NLGN1: variants seen among roughly 807,000 people sequenced by gnomAD.
NLGN1 encodes the protein neuroligin 1, also known as neuroligin-1.
In NLGN1, 12 loss-of-function variants were observed where a neutral mutation model predicts 65.5. The observed-to-expected ratio is 0.18, with a 90% CI of 0.12 to 0.30. The LOEUF (loss-of-function observed/expected upper bound fraction) is 0.30. NLGN1 is among the 10% of genes least tolerant of loss of function. The probability of loss-of-function intolerance (pLI) is 1.00; values close to 1 mark genes in which losing one functional copy is unlikely to be tolerated. For missense variants in NLGN1, 750 were observed against 1,007.1 expected (o/e 0.74, Z 3.46); for synonymous variants, 350 against 359.5 (o/e 0.97, Z 0.30).
intron 3 of NLGN1, among the ~76,000 whole-genome samples, chr3:173,714,128 G>A (rs535852706): frequency 1.2e-4 from 19 of 152,222 alleles, no homozygotes; most frequent in Non-Finnish European, 2.2e-4. Flanking sequence ...GTATATAACA[G>A]CGTCTTTTGA....
At chr3:173,670,825 A>G (rs1762348086) in intron 3 of NLGN1, among the ~76,000 whole-genome samples, 1 of 152,090 alleles carries the variant, frequency 6.6e-6, no homozygotes, top group Admixed American at 6.5e-5. Context: ...AGAAGTTCTT[A>G]AAGTTCTTAG....
chr3:173,972,072 G>C (rs566182918), intron 4 of NLGN1, among the ~76,000 whole-genome samples: 11 of 152,184 alleles, frequency 7.2e-5, no homozygotes, highest in Non-Finnish European at 1.3e-4. Context: ...GAAAGAGCCA[G>C]TTTTAAGCAT....
chr3:173,872,833 A>G (rs1471871541), intron 4 of NLGN1, among the ~76,000 whole-genome samples: 1 of 152,112 alleles, frequency 6.6e-6, no homozygotes, highest in Non-Finnish European at 1.5e-5. Flanking sequence ...AAGGGCTTTC[A>G]TTTGAATAAT....
At chr3:173,516,768 A>G (rs1422947927) in intron 2 of NLGN1, among the ~76,000 whole-genome samples, 1 of 152,080 alleles carries the variant, frequency 6.6e-6, no homozygotes, top group Non-Finnish European at 1.5e-5. Context: ...GCTTCCCATC[A>G]TTCTGACACC....
chr3:174,071,797 C>T (rs538940886), intron 4 of NLGN1, among the ~76,000 whole-genome samples: 9 of 151,606 alleles, frequency 5.9e-5, no homozygotes, highest in Middle Eastern at 3.5e-3. Flanking sequence ...ATTCTCAGTT[C>T]ATTCCGTTAT....
chr3:173,637,825 T>G (rs951049666), intron 3 of NLGN1, among the ~76,000 whole-genome samples: 19 of 152,204 alleles, frequency 1.2e-4, no homozygotes, highest in African/African-American at 4.3e-4. Flanking sequence ...TGCCATAGGT[T>G]ACATAGGATA....
At chr3:173,931,890 A>G (rs774327767) in intron 4 of NLGN1, among the ~76,000 whole-genome samples, 1 of 152,194 alleles carries the variant, frequency 6.6e-6, no homozygotes, top group South Asian at 2.1e-4. Flanking sequence ...CACTGAGAGT[A>G]TAAATTATCT....
chr3:173,606,756 A>T (rs560916905), intron 3 of NLGN1, among the ~76,000 whole-genome samples: 30 of 152,116 alleles, frequency 2.0e-4, no homozygotes, highest in African/African-American at 7.2e-4. Context: ...GTAGAGTGGG[A>T]TTTAACCTTC....
At chr3:173,592,010 C>T (rs1363993239) in intron 2 of NLGN1, among the ~76,000 whole-genome samples, 2 of 152,112 alleles carry the variant, frequency 1.3e-5, no homozygotes, top group Non-Finnish European at 2.9e-5. Flanking sequence ...ATCACAGGGT[C>T]ATCAATTGGT....
At chr3:174,289,935 ATATG>A (rs1168098337), downstream of NLGN1, among the ~76,000 whole-genome samples, 89 of 112,708 alleles carry the variant, frequency 7.9e-4, 2 homozygotes, top group Non-Finnish European at 2.8e-4. Flanking sequence ...GTGTATATAT[ATATG>A]TATGTATATA....
chr3:173,784,541 G>A (rs941616183), intron 3 of NLGN1, among the ~76,000 whole-genome samples: 1 of 152,004 alleles, frequency 6.6e-6, no homozygotes, highest in South Asian at 2.1e-4. Flanking sequence ...GTACCTAGAG[G>A]CAGAGAGCGA....
chr3:174,021,287 T>C (rs1727700592), intron 4 of NLGN1, among the ~76,000 whole-genome samples: 1 of 152,042 alleles, frequency 6.6e-6, no homozygotes, highest in Non-Finnish European at 1.5e-5. Flanking sequence ...TGATGATACA[T>C]TCATTGGTGA....
intron 3 of NLGN1, among the ~76,000 whole-genome samples, chr3:173,739,724 G>T (rs1774341565): frequency 6.6e-6 from 1 of 152,074 alleles, no homozygotes; most frequent in African/African-American, 2.4e-5. Flanking sequence ...ATATTTTCGT[G>T]CCTTATTTAA....
At chr3:173,782,691 C>CTTTTTTTTTTTTT (rs5854538) in intron 3 of NLGN1, among the ~76,000 whole-genome samples, 2 of 144,682 alleles carry the variant, frequency 1.4e-5, no homozygotes, top group Non-Finnish European at 1.5e-5. Flanking sequence ...CAAAGCTTAC[C>CTTTTTTTTTTTTT]TTTTTTTTTT....
intron 4 of NLGN1, among the ~76,000 whole-genome samples, chr3:174,104,250 C>T (rs974821315): frequency 6.6e-6 from 1 of 152,012 alleles, no homozygotes; most frequent in Admixed American, 6.6e-5. Flanking sequence ...AGTAATATTT[C>T]ACTTAAATTG....
At chr3:173,823,251 T>G (rs372081147) in intron 4 of NLGN1, among the ~76,000 whole-genome samples, 28 of 152,204 alleles carry the variant, frequency 1.8e-4, no homozygotes, top group African/African-American at 4.8e-4. Context: ...CTACTACTTT[T>G]GGATCGGTGC....
chr3:173,690,895 AGTACAGGAT>A (rs1281033126), intron 3 of NLGN1, among the ~76,000 whole-genome samples: 1 of 152,124 alleles, frequency 6.6e-6, no homozygotes, highest in Non-Finnish European at 1.5e-5. Flanking sequence ...CCGTTTTTGG[AGTACAGGAT>A]GAACAGGTTG....
At chr3:173,718,606 G>A (rs1410583117) in intron 3 of NLGN1, among the ~76,000 whole-genome samples, 2 of 152,104 alleles carry the variant, frequency 1.3e-5, no homozygotes, top group Admixed American at 6.6e-5. Flanking sequence ...TCACTCAACT[G>A]TAAAAATCTA....
intron 4 of NLGN1, among the ~76,000 whole-genome samples, chr3:174,017,398 A>C (rs1442388114): frequency 6.6e-6 from 1 of 152,134 alleles, no homozygotes; most frequent in Admixed American, 6.6e-5. Flanking sequence ...CATTTCTTTG[A>C]CAGCCTATCA....
Sources: gnomAD v4.1 joint callset for allele counts (sites outside exome capture counted in the v4.1 genomes callset) on GRCh38, gnomAD v4.1.1 for gene constraint, MANE v1.5 for transcripts, NCBI Gene and HGNC (gene_info 2026-07-23, HGNC 2026-07-21) for gene names.